Variants in DDX42 observed in about 807,000 individuals in gnomAD.
The protein encoded by DDX42 is DEAD-box helicase 42, also known as ATP-dependent RNA helicase DDX42.
DDX42 carries 22 observed loss-of-function variants against 101.5 expected under a neutral mutation model. The ratio of observed to expected loss-of-function variants is 0.22; its 90% CI spans 0.15 to 0.31. DDX42 has a LOEUF of 0.31. Among genes scored for constraint, DDX42 ranks in the 10% least tolerant of loss-of-function variants. The pLI, the probability that DDX42 is intolerant of heterozygous loss-of-function variation, is 1.00. For synonymous variants in DDX42, 402 were observed against 401.2 expected (o/e 1.00, Z -0.02); for missense variants, 849 against 1,199.9 (o/e 0.71, Z 4.32).
rs757034774 is a variant in DDX42 at position 63,787,113 on chromosome 17, A to G, written c.64A>G (p.Ser22Gly). 9.3e-6 allele frequency: 15 copies of G among 1,614,206 alleles called. No homozygotes were observed. Among genetic ancestry groups the G allele is most frequent in the Non-Finnish European group, 1.3e-5 (15 of 1,180,036 alleles). Residue 22 changes from serine to glycine, a missense_variant, in exon 2 of 18, where the codon AGT becomes GGT. Ser to Gly is a moderately conservative substitution (Grantham distance 56). This residue lies in a region of DDX42 where 92 missense variants were observed against 106.7 expected (regional missense o/e 0.86). Coordinates refer to ENST00000389924, the MANE Select transcript of DDX42 (RefSeq NM_203499.3). ...RGFGFGGFAI[S>G]AGKKEEPKLP... ...ATTTGGCTTTGGAGGTTTTGCCATCAGTGCTGGGAAAAAGGAGGAACCCAA... is the reference window on the plus strand; with the variant it reads ...ATTTGGCTTTGGAGGTTTTGCCATCGGTGCTGGGAAAAAGGAGGAACCCAA...
intron 1 of DDX42, among the ~76,000 whole-genome samples, chr17:63,784,726 A>G (rs369685096): frequency 4.1e-4 from 62 of 152,174 alleles, no homozygotes; most frequent in African/African-American, 1.4e-3. Context: ...GTGAGCTGCA[A>G]TCAGACCACT....
Position 63,788,710 on chromosome 17 carries a change from C to T in DDX42, c.221+1440C>T, listed in dbSNP as rs537992603. Among the ~76,000 whole-genome samples, 4 of 152,186 alleles carry T rather than the reference C, an allele frequency of 2.6e-5. No homozygotes were observed. The South Asian group carries it at 6.2e-4, about 24-fold the overall frequency. On this transcript the variant is annotated intron_variant, in intron 2 of 17. Transcript: ENST00000389924. Reference sequence around the variant, plus strand: ...TCTCATAATTGGTAAATGCTTTTTACCAATTACCGTTTTTAACTTGCTGAT... The same window carrying T: ...TCTCATAATTGGTAAATGCTTTTTATCAATTACCGTTTTTAACTTGCTGAT...
chr17:63,775,240 A>AT (rs1395556893), intron 1 of DDX42: 1 of 152,648 alleles, frequency 6.6e-6, no homozygotes, highest in African/African-American at 2.4e-5. Flanking sequence ...GGAAAAGAAA[A>AT]TATATCTTCC....
rs1459174804 is a variant in DDX42 at position 63,817,808 on chromosome 17, A to C, written c.2227A>C (p.Asn743His). 6 of 1,614,060 alleles carry C rather than the reference A, an allele frequency of 3.7e-6. No homozygotes were observed. In the Admixed American group the frequency reaches 5.0e-5, roughly 13 times the overall value. ...AGGGAGCTTGAATTCTGTTCCAACT[A>C]ACTCAGCACAACAGGGCCATAACAG... is the stretch of plus-strand genomic sequence containing the variant. ...SAGSLNSVPT[N>H]SAQQGHNSPD... The change falls in exon 18 of 18, where the codon AAC (asparagine) becomes CAC (histidine). Residue 743 changes from asparagine to histidine, a missense_variant. Asn to His is a moderately conservative substitution (Grantham distance 68). Coordinates refer to ENST00000389924, the MANE Select transcript of DDX42 (RefSeq NM_203499.3).
rs746848221 is a variant in DDX42, at chr17:63,818,113, C to T, written c.2532C>T (p.Tyr844=). ...ATGGTGGTCGCCATGGAGATGGATACCGCCATCCAGAAAGCAGCAGCCGTC... is the reference window on the plus strand; with the variant it reads ...ATGGTGGTCGCCATGGAGATGGATATCGCCATCCAGAAAGCAGCAGCCGTC... The part of the protein sequence containing the change: ...HGDGGRHGDG[Y]RHPESSSRHT... The change falls in exon 18 of 18, where the codon TAC becomes TAT. Residue 844 remains tyrosine, a synonymous_variant. Transcript: ENST00000389924. The T allele has an allele frequency of 3.7e-6, 6 of 1,613,710 alleles. No homozygotes were observed. The highest frequency in any genetic ancestry group is 1.3e-5 in the African/African-American group (1 of 74,826).
rs150752719 is a variant in DDX42, at chr17:63,815,964, C to T, written c.2013+291C>T. On this transcript the variant is annotated intron_variant, in intron 16 of 17. Coordinates refer to ENST00000389924, the MANE Select transcript of DDX42 (RefSeq NM_203499.3). Reference sequence around the variant, plus strand: ...CCAGCAGCACATGCAAACTCATCCCCAACCCCAGACCTTGTGAATCAGAAA... The same window carrying T: ...CCAGCAGCACATGCAAACTCATCCCTAACCCCAGACCTTGTGAATCAGAAA... 826 of 178,842 alleles carry T rather than the reference C, an allele frequency of 4.6e-3. 6 individuals carry two copies. The highest frequency in any genetic ancestry group is 0.018 in the African/African-American group (747 of 42,380). 11.1% of individuals were successfully genotyped at this position (178,842 alleles called of 1,614,324 possible). A position where few individuals can be genotyped will look rare whatever the true frequency, so the allele number is the denominator to read the frequency against.
chr17:63,791,517 G>A (rs1466456762), intron 2 of DDX42, among the ~76,000 whole-genome samples: 1 of 152,022 alleles, frequency 6.6e-6, no homozygotes, highest in Non-Finnish European at 1.5e-5. Flanking sequence ...CACCATGTTG[G>A]CTGGGCTGGT....
At chr17:63,776,204 T>C (rs542563818) in intron 1 of DDX42, 1 of 152,396 alleles carries the variant, frequency 6.6e-6, no homozygotes, top group South Asian at 2.1e-4. Context: ...TTAGATCATA[T>C]CTTATTTTCC....
intron 2 of DDX42, among the ~76,000 whole-genome samples, chr17:63,791,725 G>A (rs776788980): frequency 6.6e-6 from 1 of 152,162 alleles, no homozygotes; most frequent in Non-Finnish European, 1.5e-5. Flanking sequence ...GGGTTATAAA[G>A]AATAAACTGG....
At chr17:63,809,426 T>A in intron 10 of DDX42, 134 bp from the exon 11 acceptor site, 1 of 656,574 alleles carries the variant, frequency 1.5e-6, no homozygotes, top group Non-Finnish European at 2.7e-6. Context: ...GTGCATAAGG[T>A]ATGTGGCTGT....
intron 1 of DDX42, among the ~76,000 whole-genome samples, chr17:63,782,277 T>G (rs938735599): frequency 6.6e-6 from 1 of 152,216 alleles, no homozygotes; most frequent in Non-Finnish European, 1.5e-5. Context: ...AGACTCCGTC[T>G]TGGGGAGAAA....
chr17:63,810,052 AG>A (rs975575213), intron 11 of DDX42, among the ~76,000 whole-genome samples: 11 of 151,988 alleles, frequency 7.2e-5, no homozygotes, highest in Admixed American at 3.3e-4. Flanking sequence ...AGTTGGATGG[AG>A]GGAAAATTTT....
intron 15 of DDX42, among the ~76,000 whole-genome samples, chr17:63,814,685 T>C (rs1473498471): frequency 1.4e-5 from 2 of 147,062 alleles, no homozygotes; most frequent in East Asian, 2.0e-4. Context: ...CTTTTTTTTT[T>C]TTTTTTTTTT....
At chr17:63,814,894 T>A (rs557278253) in intron 15 of DDX42, among the ~76,000 whole-genome samples, 119 of 152,244 alleles carry the variant, frequency 7.8e-4, no homozygotes, top group Admixed American at 2.6e-3. Context: ...TTCACCATGT[T>A]GGTCAGGCTG....
chr17:63,800,719 A>T lies in DDX42; in HGVS notation c.621+102A>T, dbSNP rs1374214023. The T allele has an allele frequency of 9.3e-6, 13 of 1,400,072 alleles. No homozygotes were observed. The East Asian group carries it at 3.0e-4, about 32-fold the overall frequency. The allele number at this position is 1,400,072 out of a possible 1,614,324, so 86.7% of individuals were successfully genotyped here. On this transcript the variant is annotated intron_variant, in intron 6 of 17. Coordinates refer to ENST00000389924, the MANE Select transcript of DDX42 (RefSeq NM_203499.3). ...AGTAGTGGAATACTCTTACATCATGAGCGTATGCATCTTGTCATCTCTACT... is the reference window on the plus strand; with the variant it reads ...AGTAGTGGAATACTCTTACATCATGTGCGTATGCATCTTGTCATCTCTACT...
chr17:63,783,032 T>C (rs917608930), intron 1 of DDX42, among the ~76,000 whole-genome samples: 5 of 152,204 alleles, frequency 3.3e-5, no homozygotes, highest in African/African-American at 1.2e-4. Context: ...TGCCCTTCTT[T>C]AATGCCTCTT....
chr17:63,795,880 C>A (rs1241319956), intron 3 of DDX42, among the ~76,000 whole-genome samples: 3 of 152,164 alleles, frequency 2.0e-5, no homozygotes, highest in African/African-American at 7.2e-5. Flanking sequence ...ACCCCATATT[C>A]CTTATGCAGT....
intron 16 of DDX42, 99 bp from the exon 17 acceptor site, chr17:63,816,769 G>T: frequency 1.3e-6 from 1 of 768,836 alleles, no homozygotes; most frequent in Non-Finnish European, 1.9e-6. Flanking sequence ...CAGTTCCTTT[G>T]TAGCTCCCAC....
At chr17:63,809,522 T>A (rs774187194) in intron 10 of DDX42, 38 bp from the exon 11 acceptor site, 7 of 1,571,472 alleles carry the variant, frequency 4.5e-6, no homozygotes, top group Non-Finnish European at 6.1e-6. Flanking sequence ...TGTGAATGCC[T>A]TTAATTATAC....
Sources: allele counts gnomAD v4.1 joint callset (sites outside exome capture counted in the v4.1 genomes callset), GRCh38; gene constraint gnomAD v4.1.1; regional missense constraint gnomAD v4.1.1; transcripts MANE v1.5; gene names NCBI Gene and HGNC (gene_info 2026-07-23, HGNC 2026-07-21).